ADAM12: variants seen among roughly 807,000 people sequenced by gnomAD.
ADAM12 encodes the protein ADAM metallopeptidase domain 12.
In ADAM12, 70 loss-of-function variants were observed where a neutral mutation model predicts 106.4. The observed-to-expected ratio is 0.66, with a 90% confidence interval of 0.54 to 0.80. The LOEUF (loss-of-function observed/expected upper bound fraction) is 0.80, where lower values mean the gene tolerates loss of function less well. Ranked by LOEUF, ADAM12 falls within the 30% of genes least tolerant of loss-of-function variation. The pLI is 0.00. For synonymous variants in ADAM12, 420 were observed against 433.5 expected (o/e 0.97, Z 0.39); for missense variants, 1,010 against 1,171.9 (o/e 0.86, Z 2.02).
intron 5 of ADAM12, among the ~76,000 whole-genome samples, chr10:126,119,358 T>C (rs539620323): frequency 6.6e-6 from 1 of 152,370 alleles, no homozygotes; most frequent in East Asian, 1.9e-4. Flanking sequence ...GGTTGCTATG[T>C]CATCGAGTCA....
chr10:126,101,243 T>A lies in ADAM12; in HGVS notation c.742-2A>T. Reference sequence around the variant, plus strand: ...CCGAATGTTCAGTGGTCTGTAAAACTGGGCAAAACAGGCAAAACTGGCATT... The same window carrying A: ...CCGAATGTTCAGTGGTCTGTAAAACAGGGCAAAACAGGCAAAACTGGCATT... On this transcript the variant is annotated splice_acceptor_variant, in intron 8 of 22. Coordinates refer to ENST00000448723, the MANE Select transcript of ADAM12 (RefSeq NM_001288973.2). LOFTEE classifies it high-confidence loss of function. 1 of 1,611,200 alleles carries A rather than the reference T, an allele frequency of 6.2e-7. No individual in the cohort carries two copies. Among genetic ancestry groups the A allele is most frequent in the Non-Finnish European group, 8.5e-7 (1 of 1,178,288 alleles).
At chr10:126,156,722 G>A (rs987813375) in intron 3 of ADAM12, among the ~76,000 whole-genome samples, 16 of 152,338 alleles carry the variant, frequency 1.1e-4, no homozygotes, top group East Asian at 7.7e-4. Flanking sequence ...GTAGGGATCC[G>A]ACAACTACTG....
Position 126,066,670 on chromosome 10 carries a change from G to C in ADAM12, c.1413+47C>G. The C allele has an allele frequency of 6.3e-7, 1 of 1,576,636 alleles. No homozygotes were observed. Among genetic ancestry groups the C allele is most frequent in the Non-Finnish European group, 8.7e-7 (1 of 1,146,086 alleles). ...GCCCTGCATCAGATCTGAACCACCT[G>C]AACCTGTTGGCGACCTGGGGGTCAA... On this transcript the variant is annotated intron_variant, in intron 13 of 22. Transcript: ENST00000448723. This position sits in a 1 kb window ranked among gnomAD's most constrained non-coding sequence, Gnocchi z 5.1.
chr10:126,142,650 G>T (rs970052113), intron 4 of ADAM12, among the ~76,000 whole-genome samples: 1 of 152,124 alleles, frequency 6.6e-6, no homozygotes, highest in South Asian at 2.1e-4. Flanking sequence ...CAGATTTGGC[G>T]GGGGGCCTGT....
intron 3 of ADAM12, among the ~76,000 whole-genome samples, chr10:126,157,584 C>G (rs1468192506): frequency 6.6e-6 from 1 of 152,246 alleles, no homozygotes; most frequent in African/African-American, 2.4e-5. Flanking sequence ...CTGCAGTCTA[C>G]TTAACAGCGA....
chr10:126,038,217 C>T, intron 20 of ADAM12, 24 bp downstream of exon 20: 2 of 1,571,780 alleles, frequency 1.3e-6, no homozygotes. Flanking sequence ...GTGCCCTGAG[C>T]ACTCACATCT....
chr10:126,289,093 C>T (rs1044694709), intron 2 of ADAM12, among the ~76,000 whole-genome samples: 2 of 151,962 alleles, frequency 1.3e-5, no homozygotes, highest in Non-Finnish European at 2.9e-5. Flanking sequence ...AGGGACAGGA[C>T]CGTGTGGTGA....
chr10:126,245,013 G>C (rs1007281587), intron 3 of ADAM12, among the ~76,000 whole-genome samples: 1 of 152,096 alleles, frequency 6.6e-6, no homozygotes, highest in African/African-American at 2.4e-5. Context: ...TCAGGGGAGG[G>C]GCTTGCACCA....
intron 1 of ADAM12, among the ~76,000 whole-genome samples, chr10:126,366,188 G>A (rs1855902853): frequency 6.6e-6 from 1 of 152,138 alleles, no homozygotes; most frequent in Non-Finnish European, 1.5e-5. Flanking sequence ...AAAACAGTCA[G>A]TGGTCATAAC....
Position 126,241,186 on chromosome 10 carries a change from A to G in ADAM12, c.260+37729T>C, listed in dbSNP as rs566113205. Among the ~76,000 whole-genome samples, 5 of 152,324 alleles carry G rather than the reference A, an allele frequency of 3.3e-5. No individual in the cohort carries two copies. The South Asian group carries it at 1.0e-3, about 32-fold the overall frequency. ...AAAATAGGCCAATCCATAGAGACCT[A>G]AAGGTGAGCATTTGCCAGAAGCTTC... On this transcript the variant is annotated intron_variant, in intron 3 of 22. Transcript: ENST00000448723.
chr10:126,174,414 T>G (rs1015234140), intron 3 of ADAM12, among the ~76,000 whole-genome samples: 1 of 152,168 alleles, frequency 6.6e-6, no homozygotes, highest in Non-Finnish European at 1.5e-5. Context: ...AGGCTGTCCC[T>G]GACCCAGCTG....
At chr10:126,322,074 A>G (rs575262563) in intron 2 of ADAM12, among the ~76,000 whole-genome samples, 2 of 152,186 alleles carry the variant, frequency 1.3e-5, no homozygotes, top group East Asian at 3.9e-4. Flanking sequence ...GCAAGCTAAG[A>G]CTCATTTCAT....
intron 5 of ADAM12, among the ~76,000 whole-genome samples, chr10:126,124,614 T>C (rs1296669): frequency 0.58 from 87,663 of 151,758 alleles, 25,384 homozygotes; most frequent in Non-Finnish European, 0.59. Context: ...TACCAAGGGC[T>C]GGGCATGGTG....
intron 11 of ADAM12, among the ~76,000 whole-genome samples, chr10:126,085,170 T>G (rs1955313075): frequency 6.6e-6 from 1 of 152,222 alleles, no homozygotes. Context: ...CCATGGATTA[T>G]GTACAGAAAA....
chr10:126,275,858 CG>C lies in ADAM12; in HGVS notation c.260+3056del, dbSNP rs1167870549. On this transcript the variant is annotated intron_variant, in intron 3 of 22. Coordinates refer to ENST00000448723, the MANE Select transcript of ADAM12 (RefSeq NM_001288973.2). ...TTTTAAAAGTAATATTTTATTTTTG[CG>C]AAACATTAATACAATAAAGAAAGTA... is the stretch of plus-strand genomic sequence containing the variant. Among the ~76,000 whole-genome samples the C allele has an allele frequency of 3.9e-5, 6 of 151,956 alleles. No homozygotes were observed. The East Asian group carries it at 1.2e-3, about 29-fold the overall frequency.
chr10:126,106,486 CTTT>C (rs533243635), intron 8 of ADAM12, among the ~76,000 whole-genome samples: 8 of 115,938 alleles, frequency 6.9e-5, no homozygotes, highest in South Asian at 2.9e-4. Flanking sequence ...TCTTCTTCTT[CTTT>C]TTTTTTTTTT....
chr10:126,031,745 G>T (rs1201613696), intron 21 of ADAM12, among the ~76,000 whole-genome samples: 3 of 152,204 alleles, frequency 2.0e-5, no homozygotes, highest in African/African-American at 7.2e-5. Flanking sequence ...AATACAGACA[G>T]ATAAAAGTTG....
chr10:126,064,802 G>A lies in ADAM12; in HGVS notation c.1609+4C>T, dbSNP rs143216580. 1,521 of 1,599,114 alleles carry A rather than the reference G, an allele frequency of 9.5e-4. 19 individuals carry two copies. The South Asian group carries it at 0.012, about 13-fold the overall frequency. ...CTGATGCCGAGCTTGTGGCGGCCAC[G>A]TACCTGGTCCCCAGAGCGTGACACA... On this transcript the variant is annotated splice_donor_region_variant and intron_variant, in intron 14 of 22. Transcript: ENST00000448723. This position sits in a 1 kb window ranked among gnomAD's most constrained non-coding sequence, Gnocchi z 4.4.
chr10:126,153,293 T>G (rs1337153946), intron 4 of ADAM12, among the ~76,000 whole-genome samples: 1 of 152,264 alleles, frequency 6.6e-6, no homozygotes, highest in Non-Finnish European at 1.5e-5. Context: ...GTCATTATTT[T>G]GTACAAATCT....
Sources: gnomAD v4.1 joint callset for allele counts (sites outside exome capture counted in the v4.1 genomes callset) on GRCh38, gnomAD v4.1.1 for gene constraint, Gnocchi (gnomAD v3.1) non-coding constraint, MANE v1.5 for transcripts, NCBI Gene and HGNC (gene_info 2026-07-23, HGNC 2026-07-21) for gene names.